Variants in ADCY5 observed in about 807,000 individuals in gnomAD.
ADCY5 encodes the protein adenylate cyclase 5.
A neutral mutation model predicts 119.7 loss-of-function variants in ADCY5; 30 were observed. The observed-to-expected ratio is 0.25, with a 90% CI of 0.19 to 0.34. ADCY5 has a LOEUF of 0.34. ADCY5 is among the 10% of genes least tolerant of loss of function. The probability of loss-of-function intolerance (pLI) is 1.00; values close to 1 mark genes in which losing one functional copy is unlikely to be tolerated. For synonymous variants in ADCY5, 753 were observed against 762.2 expected (o/e 0.99, Z 0.20); for missense variants, 1,324 against 1,775.2 (o/e 0.75, Z 4.57).
In ADCY5 at chr3:123,303,184, C is replaced by T. The variant is rs142723652; in HGVS notation, c.2595G>A (p.Leu865=). The T allele has an allele frequency of 1.9e-6, 3 of 1,613,822 alleles. No homozygotes were observed. Among genetic ancestry groups the T allele is most frequent in the Non-Finnish European group, 2.5e-6 (3 of 1,180,008 alleles). ...TCNSRDLLGC[L]AQEHNISASQ... ...TCGCGCTGATGTTGTGCTCCTGTGC[C>T]AAGCAGCCCAGCAGGTCCCTGGAGT... is the stretch of plus-strand genomic sequence containing the variant. Residue 865 remains leucine (L), a synonymous_variant, in exon 14 of 21, where the codon TTG becomes TTA. Coordinates refer to ENST00000462833, the MANE Select transcript of ADCY5 (RefSeq NM_183357.3).
chr3:123,359,520 T>C (rs1288156125), intron 1 of ADCY5, among the ~76,000 whole-genome samples: 2 of 151,586 alleles, frequency 1.3e-5, no homozygotes, highest in Non-Finnish European at 2.9e-5. Context: ...CTTCCAGATC[T>C]TCCTCCACCT....
intron 19 of ADCY5, among the ~76,000 whole-genome samples, chr3:123,287,856 C>T (rs536779944): frequency 2.0e-5 from 3 of 152,252 alleles, no homozygotes; most frequent in Admixed American, 6.5e-5. Flanking sequence ...GCTGCCTGCC[C>T]GGCTCCTTAT....
chr3:123,328,111 G>A (rs890022824), intron 6 of ADCY5, among the ~76,000 whole-genome samples: 7 of 151,966 alleles, frequency 4.6e-5, no homozygotes, highest in Non-Finnish European at 8.8e-5. Context: ...CCAAATTCAC[G>A]AGCCTGGCAC....
chr3:123,398,267 T>C (rs1944659953), intron 1 of ADCY5, among the ~76,000 whole-genome samples: 1 of 152,000 alleles, frequency 6.6e-6, no homozygotes, highest in South Asian at 2.1e-4. Context: ...CCTGCCCCTC[T>C]ACTGGGACCC....
In ADCY5 at chr3:123,401,793, C is replaced by A. The variant is rs180683857; in HGVS notation, c.1134+45619G>T. 1.2e-4 allele frequency among the ~76,000 whole-genome samples: 19 copies of A among 152,250 alleles called. No individual in the cohort carries two copies. The East Asian group carries it at 3.3e-3, about 26-fold the overall frequency. ...GAGGTAGTGAGGAGAGGTAGTGTGG[C>A]AGGTAGCTCTTACCGAACCTACCTA... On this transcript the variant is annotated intron_variant, in intron 1 of 20. Coordinates refer to ENST00000462833, the MANE Select transcript of ADCY5 (RefSeq NM_183357.3).
In ADCY5 at chr3:123,289,557, G is replaced by T. The variant is rs140582428; in HGVS notation, c.3532+193C>A. On this transcript the variant is annotated intron_variant, in intron 19 of 20. Transcript: ENST00000462833. ...GCAGAGGCATCGCCAGGCTCTGGGC[G>T]GATTCCGCTGTGAATGACCCATGCC... is the stretch of plus-strand genomic sequence containing the variant. 0.011 allele frequency among the ~76,000 whole-genome samples: 1,620 copies of T among 152,350 alleles called. 23 individuals are homozygous for T. The highest frequency in any genetic ancestry group is 0.034 in the African/African-American group (1,428 of 41,580).
chr3:123,356,267 C>T (rs1332012423), intron 1 of ADCY5, among the ~76,000 whole-genome samples: 1 of 152,058 alleles, frequency 6.6e-6, no homozygotes, highest in Non-Finnish European at 1.5e-5. Context: ...TCACACCAAA[C>T]ATATAAATAA....
chr3:123,416,218 T>C, intron 1 of ADCY5: 1 of 1,536,134 alleles, frequency 6.5e-7, no homozygotes, highest in Non-Finnish European at 8.7e-7. Context: ...AGGACCTGTC[T>C]GAATGGACAG....
At position 123,290,965 on chromosome 3, in the gene ADCY5, C is replaced by T. The variant is rs916916973; in HGVS notation, c.3327+148G>A. On this transcript the variant is annotated intron_variant, in intron 18 of 20. Coordinates refer to ENST00000462833, the MANE Select transcript of ADCY5 (RefSeq NM_183357.3). ...GTGCCCATTGCAGCACCTGGGGACA[C>T]GGTCAGGTTCCCGCCGGCAGAGCTC... 7.6e-5 allele frequency: 81 copies of T among 1,060,224 alleles called. No homozygotes were observed. The East Asian group carries it at 8.7e-4, about 11-fold the overall frequency. The allele number at this position is 1,060,224 out of a possible 1,614,324, so 65.7% of individuals were successfully genotyped here. A position where few individuals can be genotyped will look rare whatever the true frequency, so the allele number is the denominator to read the frequency against.
chr3:123,361,631 G>C (rs1010796489), intron 1 of ADCY5, among the ~76,000 whole-genome samples: 2 of 152,096 alleles, frequency 1.3e-5, no homozygotes, highest in Non-Finnish European at 1.5e-5. Context: ...TTCAAGGTTC[G>C]TCCACATGGT....
chr3:123,330,773 G>A (rs2108401644), intron 5 of ADCY5, 116 bp downstream of exon 5: 1 of 1,378,698 alleles, frequency 7.3e-7, no homozygotes, highest in Middle Eastern at 2.7e-4. Flanking sequence ...CCTTTTGGCA[G>A]ACAGTTTCAC....
intron 1 of ADCY5, among the ~76,000 whole-genome samples, chr3:123,383,925 G>GCACA (rs59123635): frequency 2.7e-5 from 4 of 148,182 alleles, no homozygotes; most frequent in African/African-American, 7.4e-5. Flanking sequence ...CTCAAGGCAT[G>GCACA]CACACACACA....
At chr3:123,294,603 G>A (rs552111041) in intron 17 of ADCY5, among the ~76,000 whole-genome samples, 139 of 152,304 alleles carry the variant, frequency 9.1e-4, no homozygotes, top group African/African-American at 3.3e-3. Context: ...AGAGTAACAA[G>A]TTCTTTAAGA....
At chr3:123,363,374 C>A (rs1291947853) in intron 1 of ADCY5, among the ~76,000 whole-genome samples, 5 of 152,140 alleles carry the variant, frequency 3.3e-5, no homozygotes, top group Admixed American at 3.3e-4. Flanking sequence ...GGAATAGGCA[C>A]CCTCCTACAT....
At chr3:123,340,894 G>A (rs1480528409) in intron 3 of ADCY5, among the ~76,000 whole-genome samples, 1 of 152,158 alleles carries the variant, frequency 6.6e-6, no homozygotes, top group Non-Finnish European at 1.5e-5. Flanking sequence ...GGAGGCTGAG[G>A]CAGGCGGATC....
intron 8 of ADCY5, among the ~76,000 whole-genome samples, chr3:123,321,250 G>A (rs1011489413): frequency 3.9e-5 from 6 of 152,056 alleles, no homozygotes; most frequent in Middle Eastern, 3.2e-3. Context: ...CCAGGAGTTC[G>A]CACATTTTGC....
At chr3:123,303,272 T>G (rs571944438) in intron 13 of ADCY5, 53 bp from the exon 14 acceptor site, 2 of 1,570,100 alleles carry the variant, frequency 1.3e-6, no homozygotes, top group Non-Finnish European at 1.7e-6. Context: ...GGGGGACAGG[T>G]AGAGCAGCCC....
Position 123,327,566 on chromosome 3 carries a change from T to C in ADCY5, c.1947+52A>G. The C allele has an allele frequency of 5.2e-6, 8 of 1,545,006 alleles. No homozygotes were observed. In the Admixed American group the frequency reaches 1.5e-4, roughly 29 times the overall value. On this transcript the variant is annotated intron_variant, in intron 7 of 20. Coordinates refer to ENST00000462833, the MANE Select transcript of ADCY5 (RefSeq NM_183357.3). ...AGGAAGCAGCAGGTCACGAAAATGT[T>C]CCTCCCTGGAGGAAGGGAGCCCCTC... is the stretch of plus-strand genomic sequence containing the variant.
intron 3 of ADCY5, among the ~76,000 whole-genome samples, chr3:123,346,833 G>C (rs1487811656): frequency 6.6e-6 from 1 of 152,126 alleles, no homozygotes; most frequent in Non-Finnish European, 1.5e-5. Context: ...CTCCTTTTCT[G>C]GGCATATGGG....
Sources: gnomAD v4.1 joint callset for allele counts (sites outside exome capture counted in the v4.1 genomes callset) on GRCh38, gnomAD v4.1.1 for gene constraint, MANE v1.5 for transcripts, NCBI Gene and HGNC (gene_info 2026-07-23, HGNC 2026-07-21) for gene names.